The following VPS13D variants were observed in gnomAD, a reference collection of about 807,000 sequenced individuals.
The protein encoded by VPS13D is intermembrane lipid transfer protein VPS13D.
Under a neutral mutation model 461.9 loss-of-function variants are expected in VPS13D, and 187 were observed. The observed-to-expected ratio is 0.40, with a 90% confidence interval of 0.36 to 0.46. The LOEUF (loss-of-function observed/expected upper bound fraction) is 0.46. VPS13D is among the 20% of genes least tolerant of loss of function. The pLI, the probability that VPS13D is intolerant of heterozygous loss-of-function variation, is 0.60. For missense variants in VPS13D, 4,711 were observed against 5,364.9 expected (o/e 0.88, Z 3.81); for synonymous variants, 1,951 against 1,986.3 (o/e 0.98, Z 0.47).
At chr1:12,250,888 A>AGTTG (rs1401680558) in intron 6 of VPS13D, among the ~76,000 whole-genome samples, 1 of 152,026 alleles carries the variant, frequency 6.6e-6, no homozygotes, top group African/African-American at 2.4e-5. Flanking sequence ...GGAGTAGTGT[A>AGTTG]GTTGCAGCAG....
chr1:12,277,004 C>T lies in VPS13D; in HGVS notation c.3416C>T (p.Pro1139Leu), dbSNP rs1641634532. 1 of 1,614,100 alleles carries T rather than the reference C, an allele frequency of 6.2e-7. No individual in the cohort carries two copies. The highest frequency in any genetic ancestry group is 8.5e-7 in the Non-Finnish European group (1 of 1,180,034). ...CCCAAGGAAAAAGATGATTTAAGTC[C>T]TCAACCTTTAATGACTGATTTTGAA... ...SFPKEKDDLS[P>L]QPLMTDFERS... The change falls in exon 19 of 70, where the codon CCT (proline) becomes CTT (leucine). Residue 1139 changes from proline (P) to leucine (L), a missense_variant. Coordinates refer to ENST00000620676, the MANE Select transcript of VPS13D (RefSeq NM_015378.4).
At chr1:12,266,561 T>C (rs572797799) in intron 13 of VPS13D, among the ~76,000 whole-genome samples, 1 of 152,368 alleles carries the variant, frequency 6.6e-6, no homozygotes, top group South Asian at 2.1e-4. Context: ...ATCTATATTG[T>C]AGTTTCAGGC....
chr1:12,440,230 G>A (rs1202588604), intron 65 of VPS13D, among the ~76,000 whole-genome samples: 4 of 152,298 alleles, frequency 2.6e-5, no homozygotes, highest in African/African-American at 9.6e-5. Flanking sequence ...TTTCAGTATT[G>A]AGGGACATCA....
At position 12,276,319 on chromosome 1, in the gene VPS13D, A is replaced by C; in HGVS notation, c.2731A>C (p.Thr911Pro). The C allele has an allele frequency of 3.1e-6, 5 of 1,614,136 alleles. No individual in the cohort carries two copies. The highest frequency in any genetic ancestry group is 4.2e-6 in the Non-Finnish European group (5 of 1,180,024). ...LTTPEMKTSDTQIKEKIFPQE... is the reference protein window; with the variant it reads ...LTTPEMKTSDPQIKEKIFPQE... ...CACCCCAGAAATGAAAACTTCTGAC[A>C]CTCAGATTAAAGAAAAGATTTTTCC... Residue 911 changes from threonine (T) to proline (P), a missense_variant, in exon 19 of 70, where the codon ACT becomes CCT. Transcript: ENST00000620676. This position sits in a 1 kb window ranked among gnomAD's most constrained non-coding sequence, Gnocchi z 4.5.
Position 12,293,663 on chromosome 1 carries a change from G to C in VPS13D, c.5992G>C (p.Asp1998His). Residue 1998 changes from aspartate (D) to histidine (H), a missense_variant, in exon 24 of 70, where the codon GAT (aspartate) becomes CAT (histidine). Coordinates refer to ENST00000620676, the MANE Select transcript of VPS13D (RefSeq NM_015378.4). ...CATTCAGCATTTCACTCAGCTGCAG[G>C]ATGTCTTAGGGCGCCAGCGAGCTGC... ...AFIQHFTQLQ[D>H]VLGRQRAAIE... 1 of 1,614,140 alleles carries C rather than the reference G, an allele frequency of 6.2e-7. No homozygotes were observed. The highest frequency in any genetic ancestry group is 1.1e-5 in the South Asian group (1 of 91,086).
chr1:12,332,142 C>T (rs1439701331), intron 37 of VPS13D, among the ~76,000 whole-genome samples: 1 of 152,186 alleles, frequency 6.6e-6, no homozygotes, highest in Non-Finnish European at 1.5e-5. Flanking sequence ...AACAATTTGG[C>T]ATGACCTGGT....
chr1:12,277,357 GTGTT>G lies in VPS13D; in HGVS notation c.3773_3776del (p.Phe1258SerfsTer12). ...CAGTGATATTGGCTACTTTGAATCT[GTGTT>G]TGTCAGAATGGAAGATGCAGCCCTC... On this transcript the variant is annotated frameshift_variant, in exon 19 of 70. Transcript: ENST00000620676. LOFTEE classifies it high-confidence loss of function. 2 of 1,614,194 alleles carry G rather than the reference GTGTT, an allele frequency of 1.2e-6. No homozygotes were observed. Among genetic ancestry groups the G allele is most frequent in the East Asian group, 2.2e-5 (1 of 44,886 alleles).
intron 52 of VPS13D, among the ~76,000 whole-genome samples, chr1:12,365,925 A>G (rs943039924): frequency 2.0e-5 from 3 of 152,134 alleles, no homozygotes; most frequent in Non-Finnish European, 4.4e-5. Flanking sequence ...TTTGTTGGAA[A>G]TAGAGTCTTG....
chr1:12,398,305 T>TC (rs1644526292), intron 60 of VPS13D, among the ~76,000 whole-genome samples: 1 of 152,074 alleles, frequency 6.6e-6, no homozygotes, highest in Non-Finnish European at 1.5e-5. Context: ...TGCATTTGTA[T>TC]CCCACCTCTT....
At chr1:12,338,202 C>A in intron 39 of VPS13D, 29 bp from the exon 40 acceptor site, 1 of 1,578,770 alleles carries the variant, frequency 6.3e-7, no homozygotes, top group Non-Finnish European at 8.7e-7. Context: ...TTATTCTTAG[C>A]CTCTAACTTT....
chr1:12,491,612 G>A (rs575533584), intron 67 of VPS13D, among the ~76,000 whole-genome samples: 1 of 152,128 alleles, frequency 6.6e-6, no homozygotes, highest in African/African-American at 2.4e-5. Flanking sequence ...GGCCTCCGGT[G>A]TATATCAGAT....
intron 55 of VPS13D, among the ~76,000 whole-genome samples, chr1:12,377,448 G>A (rs947342997): frequency 6.6e-6 from 1 of 152,148 alleles, no homozygotes; most frequent in African/African-American, 2.4e-5. Flanking sequence ...GTATATAATG[G>A]ATTATATAGA....
chr1:12,435,013 T>G (rs1018772158), intron 65 of VPS13D, among the ~76,000 whole-genome samples: 4 of 152,244 alleles, frequency 2.6e-5, no homozygotes, highest in Non-Finnish European at 5.9e-5. Context: ...AATAAATAGT[T>G]ACAATGGAGT....
chr1:12,249,010 TA>T (rs1230673973), intron 5 of VPS13D, among the ~76,000 whole-genome samples: 4 of 152,226 alleles, frequency 2.6e-5, no homozygotes, highest in African/African-American at 7.2e-5. Context: ...AGAGTTATTA[TA>T]ACTCCCTTAG....
intron 23 of VPS13D, 136 bp downstream of exon 23, chr1:12,291,260 T>C: frequency 1.1e-6 from 1 of 941,442 alleles, no homozygotes; most frequent in South Asian, 1.8e-5. Flanking sequence ...GTTATGGTTA[T>C]GAGGAGTTCT....
intron 67 of VPS13D, among the ~76,000 whole-genome samples, chr1:12,460,779 A>G (rs1019279185): frequency 2.0e-5 from 3 of 152,136 alleles, no homozygotes; most frequent in African/African-American, 7.2e-5. Context: ...CCACATGCCT[A>G]TGAAGAAAAC....
At chr1:12,348,488 G>A (rs1433579907) in intron 44 of VPS13D, among the ~76,000 whole-genome samples, 1 of 152,166 alleles carries the variant, frequency 6.6e-6, no homozygotes, top group African/African-American at 2.4e-5. Context: ...CAGGAAGTTT[G>A]GAAAATTGGA....
rs115186427 is a variant in VPS13D, at chr1:12,299,477, G to T, written c.6216+93G>T. ...TGCTGCTGTAAGATGATCCATAATT[G>T]CTATTACTTTTGTAGGGTATGTGGC... On this transcript the variant is annotated intron_variant, in intron 25 of 69. Transcript: ENST00000620676. This position sits in a 1 kb window ranked among gnomAD's most constrained non-coding sequence, Gnocchi z 4.2. The T allele has an allele frequency of 2.1e-4, 297 of 1,408,290 alleles. 1 individual carries two copies. The African/African-American group carries it at 3.8e-3, about 18-fold the overall frequency. The allele number at this position is 1,408,290 out of a possible 1,614,324, so 87.2% of individuals were successfully genotyped here. A position where few individuals can be genotyped will look rare whatever the true frequency, so the allele number is the denominator to read the frequency against.
chr1:12,481,606 C>G (rs533929020), intron 67 of VPS13D, among the ~76,000 whole-genome samples: 4 of 152,288 alleles, frequency 2.6e-5, no homozygotes, highest in Admixed American at 1.3e-4. Flanking sequence ...CCAAGTCCTT[C>G]TCTTTTATTT....
Sources: allele counts gnomAD v4.1 joint callset (sites outside exome capture counted in the v4.1 genomes callset), GRCh38; gene constraint gnomAD v4.1.1; non-coding constraint Gnocchi (gnomAD v3.1); transcripts MANE v1.5; gene names NCBI Gene and HGNC (gene_info 2026-07-23, HGNC 2026-07-21).